Variants in MGMT observed in about 807,000 individuals in gnomAD.
The protein encoded by MGMT is O-6-methylguanine-DNA methyltransferase, also known as methylated-DNA--protein-cysteine methyltransferase.
MGMT carries 14 observed loss-of-function variants against 15.9 expected under a neutral mutation model. The observed-to-expected ratio is 0.88, with a 90% CI of 0.58 to 1.37. The LOEUF (loss-of-function observed/expected upper bound fraction) is 1.37, where lower values mean the gene tolerates loss of function less well. Ranked by LOEUF, MGMT falls within the 40% of genes most tolerant of loss-of-function variation. MGMT has a pLI of 0.00. For synonymous variants in MGMT, 130 were observed against 118.2 expected, an observed-to-expected ratio of 1.10 and a Z score of -0.65; for missense variants, 282 against 268.1, an observed-to-expected ratio of 1.05 and a Z score of -0.36.
At chr10:129,476,953 C>T (rs1002111381) in intron 1 of MGMT, among the ~76,000 whole-genome samples, 3 of 152,246 alleles carry the variant, frequency 2.0e-5, no homozygotes, top group Non-Finnish European at 2.9e-5. Context: ...GAGAGCCAGC[C>T]GCATGGTCCT....
intron 1 of MGMT, among the ~76,000 whole-genome samples, chr10:129,476,623 G>C (rs926448386): frequency 5.9e-5 from 9 of 152,144 alleles, no homozygotes; most frequent in African/African-American, 2.2e-4. Context: ...TAGCCGGCGT[G>C]ACTCAGGATG....
chr10:129,494,776 T>C (rs1845504111), intron 1 of MGMT, among the ~76,000 whole-genome samples: 1 of 152,266 alleles, frequency 6.6e-6, no homozygotes, highest in South Asian at 2.1e-4. Flanking sequence ...AAGAGGTCTT[T>C]AGAGTCTATT....
chr10:129,718,050 T>G (rs1236995934), intron 3 of MGMT, among the ~76,000 whole-genome samples: 2 of 152,222 alleles, frequency 1.3e-5, no homozygotes. Flanking sequence ...CAGAGCTCTT[T>G]CTGTGTTAGC....
At chr10:129,621,749 C>T (rs1847093083) in intron 2 of MGMT, among the ~76,000 whole-genome samples, 1 of 152,170 alleles carries the variant, frequency 6.6e-6, no homozygotes, top group Non-Finnish European at 1.5e-5. Context: ...AACATCCTTG[C>T]CACCTTTCCT....
At chr10:129,713,008 T>A (rs981843106) in intron 3 of MGMT, among the ~76,000 whole-genome samples, 15 of 152,196 alleles carry the variant, frequency 9.9e-5, no homozygotes, top group African/African-American at 3.6e-4. Context: ...ACAGAGACAC[T>A]GCAGCCAAGA....
At chr10:129,584,720 A>T (rs1846599160) in intron 2 of MGMT, among the ~76,000 whole-genome samples, 1 of 152,100 alleles carries the variant, frequency 6.6e-6, no homozygotes, top group Admixed American at 6.5e-5. Flanking sequence ...GATGTTTTGC[A>T]TCAACGGAAT....
At chr10:129,727,284 G>A (rs1848445155) in intron 3 of MGMT, among the ~76,000 whole-genome samples, 2 of 152,240 alleles carry the variant, frequency 1.3e-5, no homozygotes, top group Admixed American at 1.3e-4. Context: ...GTCACCTGCT[G>A]TGAGGGCAGC....
chr10:129,642,648 C>A (rs1165543486), intron 2 of MGMT, among the ~76,000 whole-genome samples: 1 of 152,166 alleles, frequency 6.6e-6, no homozygotes, highest in Non-Finnish European at 1.5e-5. Flanking sequence ...AACTGACTGT[C>A]CTTCTTACTA....
intron 1 of MGMT, among the ~76,000 whole-genome samples, chr10:129,493,149 C>T (rs1237240412): frequency 1.3e-5 from 2 of 152,060 alleles, no homozygotes; most frequent in African/African-American, 4.8e-5. Context: ...CTGTTTGACT[C>T]CTGAGTGCCT....
At chr10:129,496,558 G>A (rs1845523849) in intron 1 of MGMT, among the ~76,000 whole-genome samples, 1 of 152,076 alleles carries the variant, frequency 6.6e-6, no homozygotes, top group Admixed American at 6.5e-5. Context: ...ATTTCCATCT[G>A]CTCTAGGTGG....
chr10:129,754,343 A>G (rs1166557641), intron 3 of MGMT, among the ~76,000 whole-genome samples: 6 of 152,146 alleles, frequency 3.9e-5, no homozygotes, highest in African/African-American at 1.2e-4. Context: ...ATCTGGGTCC[A>G]AGCATTAGGA....
At chr10:129,520,857 T>C (rs7075207) in intron 1 of MGMT, among the ~76,000 whole-genome samples, 144,059 of 145,992 alleles carry the variant, frequency 0.99, 71,086 homozygotes, top group Non-Finnish European at 1. Context: ...AGACCCCATA[T>C]GGTGCGGGTA....
At chr10:129,717,465 G>C (rs1848312812) in intron 3 of MGMT, 1 of 152,192 alleles carries the variant, frequency 6.6e-6, no homozygotes, top group Non-Finnish European at 1.5e-5. Flanking sequence ...AGTCCAGGGA[G>C]AGTCTCTTGA....
At chr10:129,588,542 G>A (rs370051509) in intron 2 of MGMT, among the ~76,000 whole-genome samples, 25 of 152,116 alleles carry the variant, frequency 1.6e-4, no homozygotes, top group African/African-American at 4.8e-4. Flanking sequence ...CCACTCGCAC[G>A]CATGCATCCA....
chr10:129,736,260 A>G (rs1306839596), intron 3 of MGMT, among the ~76,000 whole-genome samples: 3 of 150,212 alleles, frequency 2.0e-5, no homozygotes, highest in Non-Finnish European at 3.0e-5. Context: ...TTGGGTGCAT[A>G]TATATTTAGG....
intron 1 of MGMT, among the ~76,000 whole-genome samples, chr10:129,473,606 G>A (rs7079768): frequency 0.13 from 19,191 of 152,206 alleles, 3,484 homozygotes; most frequent in African/African-American, 0.4. Context: ...GCTTTGCAAC[G>A]ATGAGCCTGA....
intron 2 of MGMT, among the ~76,000 whole-genome samples, chr10:129,691,703 G>C (rs557319669): frequency 6.6e-6 from 1 of 152,104 alleles, no homozygotes; most frequent in African/African-American, 2.4e-5. Flanking sequence ...ACACTGGAGC[G>C]AAGGTGCACC....
At chr10:129,499,874 A>G (rs1167924792) in intron 1 of MGMT, among the ~76,000 whole-genome samples, 1 of 152,238 alleles carries the variant, frequency 6.6e-6, no homozygotes, top group Non-Finnish European at 1.5e-5. Context: ...GCTGACGGAA[A>G]TACATCCTTA....
chr10:129,699,073 G>T (rs1848065691), intron 2 of MGMT, among the ~76,000 whole-genome samples: 1 of 152,056 alleles, frequency 6.6e-6, no homozygotes, highest in Non-Finnish European at 1.5e-5. Context: ...TATAGTTTTG[G>T]GGTGTTTTTA....
Sources: allele counts gnomAD v4.1 joint callset (sites outside exome capture counted in the v4.1 genomes callset), GRCh38; gene constraint gnomAD v4.1.1; transcripts MANE v1.5; gene names NCBI Gene and HGNC (gene_info 2026-07-23, HGNC 2026-07-21).